The following TYR variants were observed in gnomAD, a reference collection of about 807,000 sequenced individuals.
TYR encodes the protein LB24-AB.
In TYR, 58 loss-of-function variants were observed where a neutral mutation model predicts 51.5. That is an observed-to-expected ratio of 1.13 (90% CI 0.91 to 1.40). The LOEUF is 1.40. TYR is among the 40% of genes most tolerant of loss of function. The pLI is 0.00. For synonymous variants in TYR, 263 were observed against 235.2 expected, an observed-to-expected ratio of 1.12 and a Z score of -1.08; for missense variants, 732 against 647.4, an observed-to-expected ratio of 1.13 and a Z score of -1.42.
intron 3 of TYR, among the ~76,000 whole-genome samples, chr11:89,235,360 G>C (rs963832737): frequency 1.3e-5 from 2 of 152,112 alleles, no homozygotes; most frequent in Non-Finnish European, 2.9e-5. Flanking sequence ...ATGTCAAAGA[G>C]TTATTTGTAC....
In TYR at chr11:89,258,706, G is replaced by A. The variant is rs968101611; in HGVS notation, c.1185-26067G>A. 1.2e-4 allele frequency among the ~76,000 whole-genome samples: 19 copies of A among 152,202 alleles called. No homozygotes were observed. In the East Asian group the frequency reaches 2.3e-3, roughly 19 times the overall value. ...TATTGTACATTTAATTGTAAACAAT[G>A]TAAATAGGCACTGGCCTGTTTTCTA... On this transcript the variant is annotated intron_variant, in intron 3 of 4. Coordinates refer to ENST00000263321, the MANE Select transcript of TYR (RefSeq NM_000372.5).
intron 3 of TYR, among the ~76,000 whole-genome samples, chr11:89,254,554 G>C (rs1026627738): frequency 2.6e-5 from 4 of 151,558 alleles, no homozygotes; most frequent in African/African-American, 7.3e-5. Flanking sequence ...AGTCTAGGAG[G>C]GTTGTGTATT....
chr11:89,233,360 C>T lies in TYR; in HGVS notation c.1184+5390C>T, dbSNP rs1473808662. Among the ~76,000 whole-genome samples, 2 of 140,646 alleles carry T rather than the reference C, an allele frequency of 1.4e-5. 1 individual carries two copies. Among genetic ancestry groups the T allele is most frequent in the African/African-American group, 5.7e-5 (2 of 35,308 alleles). The allele number at this position is 140,646 out of a possible 152,430, so 92.3% of individuals were successfully genotyped here. On this transcript the variant is annotated intron_variant, in intron 3 of 4. Coordinates refer to ENST00000263321, the MANE Select transcript of TYR (RefSeq NM_000372.5). ...TCTGCAGTTATCTCCACCACTGATACCCTGATCCCCTCAAAGTCATCTATT... is the reference window on the plus strand; with the variant it reads ...TCTGCAGTTATCTCCACCACTGATATCCTGATCCCCTCAAAGTCATCTATT...
At chr11:89,220,187 A>G (rs553263270) in intron 2 of TYR, among the ~76,000 whole-genome samples, 1 of 152,236 alleles carries the variant, frequency 6.6e-6, no homozygotes, top group East Asian at 1.9e-4. Context: ...TGTAGGCCGT[A>G]CAGGAAGCAC....
intron 4 of TYR, among the ~76,000 whole-genome samples, chr11:89,287,120 G>T (rs1377296976): frequency 1.3e-5 from 2 of 151,686 alleles, no homozygotes; most frequent in South Asian, 2.1e-4. Context: ...TTCTGTGTAT[G>T]AATCTGTCCT....
At chr11:89,259,997 G>C (rs934832709) in intron 3 of TYR, among the ~76,000 whole-genome samples, 3 of 151,924 alleles carry the variant, frequency 2.0e-5, no homozygotes, top group African/African-American at 7.3e-5. Flanking sequence ...TGTAACTTTG[G>C]ACATGTTATT....
chr11:89,203,977 T>C (rs575097932), intron 2 of TYR, among the ~76,000 whole-genome samples: 107 of 152,308 alleles, frequency 7.0e-4, no homozygotes, highest in African/African-American at 2.5e-3. Flanking sequence ...GCCTCCTCAA[T>C]TCCCTTCCAG....
chr11:89,269,481 GA>G (rs1350329889), intron 3 of TYR, among the ~76,000 whole-genome samples: 1 of 151,762 alleles, frequency 6.6e-6, no homozygotes, highest in East Asian at 1.9e-4. Context: ...GAAAAGGAGA[GA>G]AAAAAACACC....
chr11:89,183,464 G>T (rs980444019), intron 1 of TYR, among the ~76,000 whole-genome samples: 2 of 152,020 alleles, frequency 1.3e-5, no homozygotes, highest in Admixed American at 1.3e-4. Context: ...CATGTTTTGT[G>T]TGTGTGCTAA....
At chr11:89,195,393 A>T (rs535527) in intron 2 of TYR, among the ~76,000 whole-genome samples, 152,288 of 152,308 alleles carry the variant, frequency 1, 76,134 homozygotes, top group Middle Eastern at 1. Context: ...AAGAGAGACC[A>T]CATGGCCGGG....
intron 3 of TYR, among the ~76,000 whole-genome samples, chr11:89,234,993 G>C (rs888333627): frequency 4.0e-5 from 6 of 149,122 alleles, no homozygotes; most frequent in Non-Finnish European, 8.9e-5. Context: ...AAAAAATGCA[G>C]TATCTGTGAA....
At chr11:89,257,723 C>A (rs1035686153) in intron 3 of TYR, among the ~76,000 whole-genome samples, 4 of 151,866 alleles carry the variant, frequency 2.6e-5, no homozygotes, top group African/African-American at 9.7e-5. Context: ...TTTTTACTAC[C>A]CATTAAATGT....
Position 89,178,320 on chromosome 11 carries a change from A to G in TYR, c.367A>G (p.Ile123Val), listed in dbSNP as rs1330916675. The G allele has an allele frequency of 2.5e-6, 4 of 1,614,202 alleles. No individual in the cohort carries two copies. The highest frequency in any genetic ancestry group is 2.2e-5 in the East Asian group (1 of 44,864). Residue 123 changes from isoleucine (I) to valine (V), a missense_variant, in exon 1 of 5, where the codon ATC (isoleucine) becomes GTC (valine). Physicochemically the swap from Ile to Val is conservative, Grantham distance 29 (BLOSUM62 3). Coordinates refer to ENST00000263321, the MANE Select transcript of TYR (RefSeq NM_000372.5). ...TERRLLVRRN[I>V]FDLSAPEKDK... ...GAGACGACTCTTGGTGAGAAGAAAC[A>G]TCTTCGATTTGAGTGCCCCAGAGAA... is the stretch of plus-strand genomic sequence containing the variant.
At chr11:89,249,961 A>G (rs761983644) in intron 3 of TYR, among the ~76,000 whole-genome samples, 2 of 151,972 alleles carry the variant, frequency 1.3e-5, no homozygotes, top group East Asian at 3.9e-4. Flanking sequence ...AGATGCATGT[A>G]TTGTTCTTGG....
At chr11:89,198,382 A>C (rs1487204427) in intron 2 of TYR, among the ~76,000 whole-genome samples, 2 of 152,152 alleles carry the variant, frequency 1.3e-5, no homozygotes, top group Non-Finnish European at 2.9e-5. Flanking sequence ...TTCTGAGGGA[A>C]TCAGAAACTC....
intron 2 of TYR, among the ~76,000 whole-genome samples, chr11:89,198,984 C>G (rs1943561594): frequency 3.9e-5 from 6 of 151,984 alleles, no homozygotes. Context: ...TTGTTCAGTT[C>G]CCACCTATGA....
intron 3 of TYR, among the ~76,000 whole-genome samples, chr11:89,260,446 C>A (rs1162176427): frequency 6.6e-6 from 1 of 151,976 alleles, no homozygotes; most frequent in African/African-American, 2.4e-5. Context: ...CCCCAGATTT[C>A]TATATCTGGC....
intron 2 of TYR, among the ~76,000 whole-genome samples, chr11:89,204,589 G>T (rs1462215693): frequency 6.6e-6 from 1 of 151,844 alleles, no homozygotes; most frequent in South Asian, 2.1e-4. Flanking sequence ...GTAGAGACAG[G>T]ATTTCACTAT....
Position 89,234,651 on chromosome 11 carries a change from AG to A in TYR, c.1184+6684del, listed in dbSNP as rs1321399459. ...TCAATATTTTTGTGTCTTGGGGAATAGGGAGGCCCAAGGAGAGGGAGAGATT... is the reference window on the plus strand; with the variant it reads ...TCAATATTTTTGTGTCTTGGGGAATAGGAGGCCCAAGGAGAGGGAGAGATT... On this transcript the variant is annotated intron_variant, in intron 3 of 4. Transcript: ENST00000263321. Among the ~76,000 whole-genome samples, 5 of 126,020 alleles carry A rather than the reference AG, an allele frequency of 4.0e-5. 2 individuals carry two copies. Among genetic ancestry groups the A allele is most frequent in the African/African-American group, 1.7e-4 (5 of 29,158 alleles). The allele number at this position is 126,020 out of a possible 152,430, so 82.7% of individuals were successfully genotyped here. A position where few individuals can be genotyped will look rare whatever the true frequency, so the allele number is the denominator to read the frequency against.
Sources: allele counts gnomAD v4.1 joint callset (sites outside exome capture counted in the v4.1 genomes callset), GRCh38; gene constraint gnomAD v4.1.1; transcripts MANE v1.5; gene names NCBI Gene and HGNC (gene_info 2026-07-23, HGNC 2026-07-21).